Variants in GABRG3 observed in about 807,000 individuals in gnomAD.
GABRG3 encodes the protein gamma-aminobutyric acid receptor subunit gamma-3.
Under a neutral mutation model 48.8 loss-of-function variants are expected in GABRG3, and 25 were observed. The ratio of observed to expected loss-of-function variants is 0.51; its 90% CI spans 0.37 to 0.72. GABRG3 has a LOEUF of 0.72. Among genes scored for constraint, GABRG3 ranks in the 30% least tolerant of loss-of-function variants. The pLI is 0.00. For synonymous variants in GABRG3, 227 were observed against 217.6 expected, an observed-to-expected ratio of 1.04 and a Z score of -0.38; for missense variants, 394 against 577.9, an observed-to-expected ratio of 0.68 and a Z score of 3.26.
chr15:27,432,410 C>G (rs1208819860), intron 5 of GABRG3, among the ~76,000 whole-genome samples: 1 of 152,102 alleles, frequency 6.6e-6, no homozygotes, highest in African/African-American at 2.4e-5. Context: ...TTTACACTGT[C>G]TTTTACATTT....
intron 8 of GABRG3, 36 bp downstream of exon 8, chr15:27,527,665 T>G: frequency 6.4e-7 from 1 of 1,552,074 alleles, no homozygotes; most frequent in Non-Finnish European, 8.8e-7. Context: ...CGGGAGGTAA[T>G]GGGGGCGCTG....
At chr15:27,093,081 T>A (rs530324109) in intron 3 of GABRG3, among the ~76,000 whole-genome samples, 1 of 152,148 alleles carries the variant, frequency 6.6e-6, no homozygotes, top group East Asian at 1.9e-4. Context: ...AGAGAGAGGA[T>A]CTCCTCTAGA....
At position 27,520,208 on chromosome 15, in the gene GABRG3, T is replaced by C. The variant is rs1891126673; in HGVS notation, c.865+84T>C. The C allele has an allele frequency of 5.5e-6, 7 of 1,281,744 alleles. No homozygotes were observed. In the Admixed American group the frequency reaches 1.3e-4, roughly 23 times the overall value. 79.4% of individuals were successfully genotyped at this position (1,281,744 alleles called of 1,614,324 possible). ...AAAAAATACCTTCAATGTAAAAGAC[T>C]ATTTAAATGTGAATGATCTCATTTG... On this transcript the variant is annotated intron_variant, in intron 7 of 9. Coordinates refer to ENST00000615808, the MANE Select transcript of GABRG3 (RefSeq NM_033223.5).
chr15:27,262,396 A>G (rs1387084583), intron 3 of GABRG3, among the ~76,000 whole-genome samples: 1 of 145,638 alleles, frequency 6.9e-6, no homozygotes, highest in Non-Finnish European at 1.5e-5. Context: ...GCTCATCACC[A>G]CTGAGGGCCT....
chr15:27,419,555 G>A (rs923432026), intron 5 of GABRG3, among the ~76,000 whole-genome samples: 2 of 152,230 alleles, frequency 1.3e-5, no homozygotes, highest in Non-Finnish European at 1.5e-5. Flanking sequence ...TGGAGCCTCC[G>A]AGTGTCATAG....
rs914993967 is a variant in GABRG3, at chr15:27,180,938, C to G, written c.271-145871C>G. Among the ~76,000 whole-genome samples the G allele has an allele frequency of 6.6e-6, 1 of 152,186 alleles. No individual in the cohort carries two copies. The highest frequency in any genetic ancestry group is 1.5e-5 in the Non-Finnish European group (1 of 68,046). On this transcript the variant is annotated intron_variant, in intron 3 of 9. Coordinates refer to ENST00000615808, the MANE Select transcript of GABRG3 (RefSeq NM_033223.5). This position sits in a 1 kb window ranked among gnomAD's most constrained non-coding sequence, Gnocchi z 4.2. Reference sequence around the variant, plus strand: ...TAGTATTTTAGGGTTGAAAACCCCTCTCGCTTTGGGTGTTACGTTCAGCTG... The same window carrying G: ...TAGTATTTTAGGGTTGAAAACCCCTGTCGCTTTGGGTGTTACGTTCAGCTG...
chr15:27,428,248 G>C (rs1264962510), intron 5 of GABRG3: 2 of 152,150 alleles, frequency 1.3e-5, no homozygotes, highest in African/African-American at 4.8e-5. Context: ...AGGATGGTGG[G>C]TAGGGCTTCA....
At chr15:27,283,288 A>G (rs1223132004) in intron 3 of GABRG3, among the ~76,000 whole-genome samples, 1 of 152,094 alleles carries the variant, frequency 6.6e-6, no homozygotes, top group Admixed American at 6.5e-5. Flanking sequence ...ATTTTGATGG[A>G]GTAGGATGTC....
chr15:27,511,581 T>A (rs766706763), intron 6 of GABRG3, among the ~76,000 whole-genome samples: 1 of 152,306 alleles, frequency 6.6e-6, no homozygotes, highest in South Asian at 2.1e-4. Context: ...GGTATGATGA[T>A]GAGAAGATTA....
rs1222151617 is a variant in GABRG3 at position 27,319,242 on chromosome 15, A to T, written c.271-7567A>T. Among the ~76,000 whole-genome samples, 1 of 152,178 alleles carries T rather than the reference A, an allele frequency of 6.6e-6. No individual in the cohort carries two copies. Among genetic ancestry groups the T allele is most frequent in the Non-Finnish European group, 1.5e-5 (1 of 68,028 alleles). ...AGGGGGAAAAAAATGTCTGAAACCA[A>T]CAAGGGCTCCAGTGAGCCTCGGTCA... On this transcript the variant is annotated intron_variant, in intron 3 of 9. Transcript: ENST00000615808. The surrounding 1 kb of genome is among the most constrained non-coding windows in gnomAD (Gnocchi z 4.4).
intron 3 of GABRG3, among the ~76,000 whole-genome samples, chr15:27,256,440 CAAAA>C (rs532681313): frequency 2.4e-5 from 1 of 41,066 alleles, no homozygotes; most frequent in South Asian, 7.1e-4. Flanking sequence ...GACTCCGTCT[CAAAA>C]AAAAAAAAAA....
intron 5 of GABRG3, among the ~76,000 whole-genome samples, chr15:27,448,120 G>A (rs1193897685): frequency 2.0e-5 from 3 of 151,440 alleles, no homozygotes; most frequent in East Asian, 1.9e-4. Flanking sequence ...CACCAAACAC[G>A]TTTTTTTTAA....
chr15:27,135,262 G>A (rs1225817024), intron 3 of GABRG3, among the ~76,000 whole-genome samples: 1 of 152,144 alleles, frequency 6.6e-6, no homozygotes, highest in East Asian at 1.9e-4. Flanking sequence ...AAGGAACTAG[G>A]AACTGATCTT....
intron 3 of GABRG3, among the ~76,000 whole-genome samples, chr15:27,042,646 GCT>G (rs1896297227): frequency 6.6e-6 from 1 of 152,212 alleles, no homozygotes; most frequent in Non-Finnish European, 1.5e-5. Flanking sequence ...CTTGCTTCAT[GCT>G]CCCTTGGCTT....
chr15:27,402,862 G>A (rs576951201), intron 5 of GABRG3, among the ~76,000 whole-genome samples: 93 of 152,230 alleles, frequency 6.1e-4, no homozygotes, highest in African/African-American at 2.0e-3. Flanking sequence ...GTGATGGGAC[G>A]CCCACATCTG....
At chr15:27,354,980 C>A (rs112915939) in intron 5 of GABRG3, among the ~76,000 whole-genome samples, 1,524 of 152,206 alleles carry the variant, frequency 0.01, 29 homozygotes, top group African/African-American at 0.035. Flanking sequence ...TGGTTCTAAT[C>A]GGAGGATCAT....
intron 3 of GABRG3, among the ~76,000 whole-genome samples, chr15:27,088,403 A>G (rs1897124344): frequency 6.6e-6 from 1 of 152,064 alleles, no homozygotes; most frequent in Admixed American, 6.6e-5. Flanking sequence ...CGTGGGAGGC[A>G]GGGCTGGGAG....
intron 5 of GABRG3, among the ~76,000 whole-genome samples, chr15:27,390,064 G>A (rs989918009): frequency 6.6e-6 from 1 of 152,190 alleles, no homozygotes; most frequent in Non-Finnish European, 1.5e-5. Context: ...TTCCCATGAT[G>A]CTCCAAGTGA....
At chr15:27,002,980 T>G (rs1241211433) in intron 2 of GABRG3, among the ~76,000 whole-genome samples, 2 of 150,290 alleles carry the variant, frequency 1.3e-5, no homozygotes, top group Admixed American at 6.7e-5. Flanking sequence ...TTAAATAAAA[T>G]AAAATACAAT....
Sources: allele counts gnomAD v4.1 joint callset (sites outside exome capture counted in the v4.1 genomes callset), GRCh38; gene constraint gnomAD v4.1.1; non-coding constraint Gnocchi (gnomAD v3.1); transcripts MANE v1.5; gene names NCBI Gene and HGNC (gene_info 2026-07-23, HGNC 2026-07-21).